TLK1: variants seen among roughly 807,000 people sequenced by gnomAD.
The protein encoded by TLK1 is serine/threonine-protein kinase tousled-like 1.
A neutral mutation model predicts 105.3 loss-of-function variants in TLK1; 24 were observed. The ratio of observed to expected loss-of-function variants is 0.23; its 90% CI spans 0.17 to 0.32. The LOEUF (loss-of-function observed/expected upper bound fraction) is 0.32, where lower values mean the gene tolerates loss of function less well. TLK1 is among the 10% of genes least tolerant of loss of function. The pLI is 1.00. For synonymous variants in TLK1, 321 were observed against 310.4 expected (o/e 1.03, Z -0.36); for missense variants, 558 against 910.5 (o/e 0.61, Z 4.98).
At chr2:171,168,821 C>T (rs1692663819) in intron 1 of TLK1, among the ~76,000 whole-genome samples, 1 of 152,170 alleles carries the variant, frequency 6.6e-6, no homozygotes, top group African/African-American at 2.4e-5. Context: ...TGGCTCATGC[C>T]TGTAATCCTA....
At chr2:171,031,425 T>C (rs949720213) in intron 11 of TLK1, among the ~76,000 whole-genome samples, 5 of 152,318 alleles carry the variant, frequency 3.3e-5, no homozygotes, top group Non-Finnish European at 7.3e-5. Flanking sequence ...TACTTTTATG[T>C]GTGTAAGATG....
At chr2:171,184,374 G>A (rs1331781177) in intron 1 of TLK1, among the ~76,000 whole-genome samples, 1 of 152,146 alleles carries the variant, frequency 6.6e-6, no homozygotes, top group African/African-American at 2.4e-5. Flanking sequence ...CAGGCGTGGT[G>A]CCTCACGCCT....
At chr2:171,016,998 C>T (rs1374048142) in intron 12 of TLK1, among the ~76,000 whole-genome samples, 1 of 152,084 alleles carries the variant, frequency 6.6e-6, no homozygotes, top group Non-Finnish European at 1.5e-5. Context: ...ACTGAAATTT[C>T]CTCATTAACA....
rs774923512 is a variant in TLK1 at position 171,013,318 on chromosome 2, C to CTTTT, written c.1334+1529_1334+1532dup. Among the ~76,000 whole-genome samples the CTTTT allele has an allele frequency of 5.0e-3, 373 of 74,148 alleles. 44 individuals carry two copies. Among genetic ancestry groups the CTTTT allele is most frequent in the African/African-American group, 0.019 (344 of 18,254 alleles). The allele number at this position is 74,148 out of a possible 152,430, so 48.6% of individuals were successfully genotyped here. A position where few individuals can be genotyped will look rare whatever the true frequency, so the allele number is the denominator to read the frequency against. ...ATGAGCTACCACACCTGGCCCCTCACTTTTTTTTTTTTTTTTTTTTTTTTT... is the reference window on the plus strand; with the variant it reads ...ATGAGCTACCACACCTGGCCCCTCACTTTTTTTTTTTTTTTTTTTTTTTTTTTTT... On this transcript the variant is annotated intron_variant, in intron 13 of 20. Transcript: ENST00000431350.
At chr2:171,042,147 A>G (rs1686707296) in intron 11 of TLK1, among the ~76,000 whole-genome samples, 1 of 152,256 alleles carries the variant, frequency 6.6e-6, no homozygotes, top group Non-Finnish European at 1.5e-5. Context: ...ACTATAATTA[A>G]AGCTGTTAGC....
At chr2:171,033,886 ATT>A (rs147318622) in intron 11 of TLK1, among the ~76,000 whole-genome samples, 2 of 142,186 alleles carry the variant, frequency 1.4e-5, no homozygotes, top group African/African-American at 5.3e-5. Context: ...TAGTATCCAG[ATT>A]TTTTAAAAAA....
At chr2:170,999,103 T>A (rs2676150) in intron 18 of TLK1, among the ~76,000 whole-genome samples, 6,122 of 152,270 alleles carry the variant, frequency 0.04, 425 homozygotes, top group African/African-American at 0.14. Flanking sequence ...TAAAAATCAA[T>A]TTGTCATCTC....
At chr2:171,143,250 A>C (rs1691657298) in intron 1 of TLK1, among the ~76,000 whole-genome samples, 1 of 152,186 alleles carries the variant, frequency 6.6e-6, no homozygotes, top group Non-Finnish European at 1.5e-5. Flanking sequence ...CAGTTTCATC[A>C]AAAGATACAT....
chr2:171,052,333 C>A (rs961050444), intron 8 of TLK1, among the ~76,000 whole-genome samples: 1 of 152,110 alleles, frequency 6.6e-6, no homozygotes, highest in Admixed American at 6.5e-5. Flanking sequence ...ATGGAAAATG[C>A]GTATGCCCTG....
chr2:171,034,647 G>A (rs1686231650), intron 11 of TLK1, among the ~76,000 whole-genome samples: 1 of 152,280 alleles, frequency 6.6e-6, no homozygotes, highest in Admixed American at 6.5e-5. Flanking sequence ...AAACAGTTTT[G>A]AAACTAGAGA....
At chr2:171,042,186 A>C (rs1405581963) in intron 11 of TLK1, among the ~76,000 whole-genome samples, 1 of 152,186 alleles carries the variant, frequency 6.6e-6, no homozygotes, top group Non-Finnish European at 1.5e-5. Context: ...TAAACAAAAT[A>C]CCTGTGACAA....
At chr2:171,078,461 C>G (rs1463439846) in intron 3 of TLK1, among the ~76,000 whole-genome samples, 2 of 152,096 alleles carry the variant, frequency 1.3e-5, no homozygotes, top group Non-Finnish European at 2.9e-5. Context: ...TCGCTTGAAC[C>G]TGGGAGGCGG....
intron 1 of TLK1, among the ~76,000 whole-genome samples, chr2:171,119,910 A>G (rs1318840537): frequency 6.6e-6 from 1 of 152,196 alleles, no homozygotes; most frequent in Non-Finnish European, 1.5e-5. Flanking sequence ...CACTGAATTT[A>G]GCAATGGTTT....
chr2:171,059,082 A>G (rs1687629234), intron 4 of TLK1, among the ~76,000 whole-genome samples: 1 of 152,294 alleles, frequency 6.6e-6, no homozygotes, highest in South Asian at 2.1e-4. Context: ...GGTGGGGGGA[A>G]TTTTTAAAAA....
At chr2:170,999,949 C>G (rs1684278921) in intron 18 of TLK1, among the ~76,000 whole-genome samples, 1 of 151,994 alleles carries the variant, frequency 6.6e-6, no homozygotes, top group Admixed American at 6.6e-5. Context: ...TTTATACAGA[C>G]AGGGTCTTGC....
chr2:171,101,924 G>T (rs1689710780), intron 2 of TLK1, among the ~76,000 whole-genome samples: 1 of 152,130 alleles, frequency 6.6e-6, no homozygotes, highest in South Asian at 2.1e-4. Flanking sequence ...CTATTGAGAG[G>T]CAATGACTTA....
chr2:171,108,241 T>C (rs1690017009), intron 2 of TLK1, among the ~76,000 whole-genome samples: 1 of 152,218 alleles, frequency 6.6e-6, no homozygotes, highest in South Asian at 2.1e-4. Flanking sequence ...TCTATAGGTA[T>C]AGATTATTTT....
chr2:171,067,995 A>C (rs1688086901), intron 3 of TLK1, among the ~76,000 whole-genome samples: 1 of 152,254 alleles, frequency 6.6e-6, no homozygotes, highest in Admixed American at 6.5e-5. Context: ...TGCCAATACA[A>C]CACTTTTAAT....
rs533981170 is a variant in TLK1 at position 170,996,576 on chromosome 2, A to C, written c.2124+77T>G. The C allele has an allele frequency of 1.3e-3, 1,544 of 1,208,704 alleles. 7 individuals carry two copies. The highest frequency in any genetic ancestry group is 4.1e-3 in the Middle Eastern group (20 of 4,864). The allele number at this position is 1,208,704 out of a possible 1,614,324, so 74.9% of individuals were successfully genotyped here. A position where few individuals can be genotyped will look rare whatever the true frequency, so the allele number is the denominator to read the frequency against. ...CGAGTCTTGTGACTTTACTTACTGGAAAGTACTTACCTTGTTGTCAGCACA... is the reference window on the plus strand; with the variant it reads ...CGAGTCTTGTGACTTTACTTACTGGCAAGTACTTACCTTGTTGTCAGCACA... On this transcript the variant is annotated intron_variant, in intron 20 of 20. Transcript: ENST00000431350.
Sources: gnomAD v4.1 joint callset for allele counts (sites outside exome capture counted in the v4.1 genomes callset) on GRCh38, gnomAD v4.1.1 for gene constraint, MANE v1.5 for transcripts, NCBI Gene and HGNC (gene_info 2026-07-23, HGNC 2026-07-21) for gene names.